SGCD: variants seen among roughly 807,000 people sequenced by gnomAD.
The protein encoded by SGCD is delta-sarcoglycan.
In SGCD, 18 loss-of-function variants were observed where a neutral mutation model predicts 36.6. The ratio of observed to expected loss-of-function variants is 0.49; its 90% CI spans 0.34 to 0.73. SGCD has a LOEUF of 0.73. SGCD is among the 30% of genes least tolerant of loss of function. The probability of loss-of-function intolerance (pLI) is 0.01; values close to 1 mark genes in which losing one functional copy is unlikely to be tolerated. For missense variants in SGCD, 387 were observed against 346.7 expected (o/e 1.12, Z -0.92); for synonymous variants, 133 against 130.6 (o/e 1.02, Z -0.12).
At chr5:156,656,393 G>A (rs1051788082) in intron 7 of SGCD, among the ~76,000 whole-genome samples, 19 of 152,112 alleles carry the variant, frequency 1.2e-4, no homozygotes, top group South Asian at 2.1e-4. Context: ...ACTTAGAAGC[G>A]TTTAGGTAAA....
At chr5:156,332,696 G>A (rs1354866800) in intron 2 of SGCD, among the ~76,000 whole-genome samples, 1 of 152,160 alleles carries the variant, frequency 6.6e-6, no homozygotes, top group Admixed American at 6.5e-5. Flanking sequence ...CAGTATGGTG[G>A]CCAAGAATCC....
At chr5:156,158,719 A>G (rs959896314) in intron 3 of SGCD, among the ~76,000 whole-genome samples, 2 of 151,586 alleles carry the variant, frequency 1.3e-5, no homozygotes, top group Admixed American at 6.6e-5. Context: ...AGTCATTACT[A>G]TCTATTTGCT....
chr5:156,286,835 G>A (rs920760047), intron 3 of SGCD, among the ~76,000 whole-genome samples: 4 of 151,084 alleles, frequency 2.6e-5, no homozygotes, highest in Admixed American at 6.6e-5. Flanking sequence ...AAAAAAAAAA[G>A]AGCACATACA....
chr5:155,878,785 T>A (rs1360572663), intron 1 of SGCD, among the ~76,000 whole-genome samples: 1 of 152,124 alleles, frequency 6.6e-6, no homozygotes, highest in Non-Finnish European at 1.5e-5. Flanking sequence ...TCATATCCAA[T>A]AGAATAAACT....
At chr5:156,401,362 CTT>C (rs1772136784) in intron 3 of SGCD, among the ~76,000 whole-genome samples, 1 of 152,212 alleles carries the variant, frequency 6.6e-6, no homozygotes, top group South Asian at 2.1e-4. Flanking sequence ...TTACAATAAA[CTT>C]TTCTTAATCC....
At chr5:156,223,204 C>G (rs1764762191) in intron 3 of SGCD, among the ~76,000 whole-genome samples, 1 of 152,030 alleles carries the variant, frequency 6.6e-6, no homozygotes, top group Non-Finnish European at 1.5e-5. Context: ...GGACTTCTGA[C>G]TCTTTGAATT....
chr5:156,577,599 T>C (rs1760026457), intron 4 of SGCD, among the ~76,000 whole-genome samples: 1 of 152,190 alleles, frequency 6.6e-6, no homozygotes. Context: ...CGTTGAGCAG[T>C]GGTTTGTAGT....
At chr5:156,191,654 T>C (rs1763898091) in intron 3 of SGCD, among the ~76,000 whole-genome samples, 1 of 152,158 alleles carries the variant, frequency 6.6e-6, no homozygotes, top group Non-Finnish European at 1.5e-5. Flanking sequence ...GTCTCTTTTG[T>C]TTCTGAGCTT....
At chr5:156,071,801 G>C (rs899331581) in intron 1 of SGCD, among the ~76,000 whole-genome samples, 21 of 152,282 alleles carry the variant, frequency 1.4e-4, no homozygotes, top group Admixed American at 5.2e-4. Flanking sequence ...CTTGCTTCAT[G>C]AATCTGGGTG....
At chr5:155,960,771 A>G (rs1029606875) in intron 1 of SGCD, among the ~76,000 whole-genome samples, 1 of 152,104 alleles carries the variant, frequency 6.6e-6, no homozygotes, top group Admixed American at 6.6e-5. Context: ...GAGTTCACAC[A>G]AGAAATTCCT....
rs111979178 is a variant in SGCD, at chr5:156,012,097, G to A, written c.-281-105781G>A. On this transcript the variant is annotated intron_variant, in intron 1 of 9. Coordinates refer to the SGCD transcript ENST00000517913. ...GTTATAAAAACGGTGTATCTTCAAT[G>A]CATATGCTTATATATTCATTTCTAA... Among the ~76,000 whole-genome samples, 767 of 152,286 alleles carry A rather than the reference G, an allele frequency of 5.0e-3. 9 individuals are homozygous for A. Among genetic ancestry groups the A allele is most frequent in the African/African-American group, 0.017 (718 of 41,558 alleles).
intron 3 of SGCD, among the ~76,000 whole-genome samples, chr5:156,134,753 G>C (rs909161919): frequency 6.6e-6 from 1 of 151,842 alleles, no homozygotes; most frequent in Non-Finnish European, 1.5e-5. Context: ...TAAATGATGA[G>C]TTAATGGGTG....
At chr5:155,947,079 G>A (rs1366742979) in intron 1 of SGCD, among the ~76,000 whole-genome samples, 2 of 152,198 alleles carry the variant, frequency 1.3e-5, no homozygotes, top group Non-Finnish European at 2.9e-5. Context: ...CAGATAGAGA[G>A]ATGGGGAGGG....
At chr5:156,470,396 G>A (rs1754902406) in intron 3 of SGCD, among the ~76,000 whole-genome samples, 1 of 151,976 alleles carries the variant, frequency 6.6e-6, no homozygotes. Flanking sequence ...ACAATGTGCA[G>A]TTTAGTTACA....
chr5:155,874,065 T>A (rs1755713836), intron 1 of SGCD, among the ~76,000 whole-genome samples: 1 of 152,174 alleles, frequency 6.6e-6, no homozygotes, highest in Admixed American at 6.5e-5. Context: ...TCAGCAGCAA[T>A]TTTTATGACC....
chr5:156,697,847 C>G (rs567745171), intron 7 of SGCD, among the ~76,000 whole-genome samples: 110 of 152,228 alleles, frequency 7.2e-4, no homozygotes, highest in African/African-American at 2.5e-3. Context: ...ATGCATGACC[C>G]ACTCTCTAAT....
intron 6 of SGCD, among the ~76,000 whole-genome samples, chr5:156,598,986 T>A (rs1761053972): frequency 6.6e-6 from 1 of 152,250 alleles, no homozygotes; most frequent in South Asian, 2.1e-4. Context: ...CATTTGCTTT[T>A]TTATGTGAAA....
the SGCD span, among the ~76,000 whole-genome samples, chr5:155,809,460 T>C: frequency 3.9e-5 from 6 of 152,174 alleles, no homozygotes; most frequent in Admixed American, 3.9e-4. Flanking sequence ...TGTCGCCAGC[T>C]TTTTTAAACC....
At chr5:155,742,051 G>T in the SGCD span, among the ~76,000 whole-genome samples, 7 of 152,124 alleles carry the variant, frequency 4.6e-5, no homozygotes, top group Non-Finnish European at 7.3e-5. Flanking sequence ...CATTCAGTTG[G>T]TTAGGGGGCT....
Sources: allele counts gnomAD v4.1 joint callset (sites outside exome capture counted in the v4.1 genomes callset), GRCh38; gene constraint gnomAD v4.1.1; transcripts MANE v1.5; gene names NCBI Gene and HGNC (gene_info 2026-07-23, HGNC 2026-07-21).